The following SLIT3 variants were observed in gnomAD, a reference collection of about 807,000 sequenced individuals.
SLIT3 encodes slit guidance ligand 3.
Under a neutral mutation model 184.0 loss-of-function variants are expected in SLIT3, and 68 were observed. That is an observed-to-expected ratio of 0.37 (90% CI 0.30 to 0.45). The LOEUF (loss-of-function observed/expected upper bound fraction) is 0.45, where lower values mean the gene tolerates loss of function less well. SLIT3 is among the 20% of genes least tolerant of loss of function. The pLI is 1.00. For missense variants in SLIT3, 1,707 were observed against 2,026.0 expected (o/e 0.84, Z 3.02); for synonymous variants, 831 against 828.6 (o/e 1.00, Z -0.05).
At chr5:168,737,881 T>C (rs1344429105) in intron 20 of SLIT3, among the ~76,000 whole-genome samples, 2 of 152,188 alleles carry the variant, frequency 1.3e-5, no homozygotes, top group Non-Finnish European at 2.9e-5. Flanking sequence ...AAAAGGACAG[T>C]TGCATGGCAA....
At chr5:168,726,667 T>C (rs1763139670) in intron 20 of SLIT3, among the ~76,000 whole-genome samples, 1 of 151,846 alleles carries the variant, frequency 6.6e-6, no homozygotes, top group South Asian at 2.1e-4. Flanking sequence ...CCAAGGGGCT[T>C]ACTGCAGAAA....
intron 14 of SLIT3, among the ~76,000 whole-genome samples, chr5:168,764,110 C>T (rs1246121305): frequency 6.6e-6 from 1 of 152,144 alleles, no homozygotes; most frequent in African/African-American, 2.4e-5. Context: ...GGCTGTTGTG[C>T]AGATGAAAGT....
At chr5:168,913,212 G>T (rs1000215945) in intron 4 of SLIT3, among the ~76,000 whole-genome samples, 1 of 152,040 alleles carries the variant, frequency 6.6e-6, no homozygotes, top group African/African-American at 2.4e-5. Flanking sequence ...TTAGGGTCAG[G>T]GTTAGGGTTT....
At chr5:169,221,644 G>T (rs1048896404) in intron 3 of SLIT3, among the ~76,000 whole-genome samples, 4 of 152,154 alleles carry the variant, frequency 2.6e-5, no homozygotes, top group Admixed American at 2.0e-4. Context: ...CTCCTCTCAG[G>T]TGATGTGTGG....
chr5:169,023,393 A>T (rs1184638206), intron 4 of SLIT3, among the ~76,000 whole-genome samples: 3 of 152,110 alleles, frequency 2.0e-5, no homozygotes, highest in African/African-American at 7.2e-5. Flanking sequence ...AGAGGGGTGG[A>T]ATTTTCATTA....
At chr5:169,178,546 A>G (rs1484352181) in intron 4 of SLIT3, among the ~76,000 whole-genome samples, 2 of 152,192 alleles carry the variant, frequency 1.3e-5, no homozygotes, top group African/African-American at 4.8e-5. Context: ...AGGAGCCAGA[A>G]AAAGACTAAA....
chr5:168,967,574 G>A (rs920939431), intron 4 of SLIT3, among the ~76,000 whole-genome samples: 1 of 140,756 alleles, frequency 7.1e-6, no homozygotes, highest in Non-Finnish European at 1.6e-5. Context: ...CAAGTAGCTG[G>A]GACTACAGGC....
At chr5:168,918,151 A>G (rs1252056331) in intron 4 of SLIT3, among the ~76,000 whole-genome samples, 1 of 152,166 alleles carries the variant, frequency 6.6e-6, no homozygotes, top group East Asian at 1.9e-4. Context: ...AAGTTGATAT[A>G]ATAAACAGCA....
intron 8 of SLIT3, among the ~76,000 whole-genome samples, chr5:168,807,554 T>C (rs904226138): frequency 6.6e-6 from 1 of 152,182 alleles, no homozygotes; most frequent in Non-Finnish European, 1.5e-5. Context: ...GACCTCATCC[T>C]ACTGCTGCTG....
At chr5:169,150,541 A>ACC (rs1482297361) in intron 4 of SLIT3, among the ~76,000 whole-genome samples, 3 of 151,504 alleles carry the variant, frequency 2.0e-5, no homozygotes, top group South Asian at 2.1e-4. Flanking sequence ...ACACACACAC[A>ACC]CACCCTTACC....
intron 1 of SLIT3, among the ~76,000 whole-genome samples, chr5:169,275,776 A>G (rs1450908661): frequency 6.6e-6 from 1 of 152,184 alleles, no homozygotes; most frequent in Admixed American, 6.5e-5. Flanking sequence ...CTTCCACAAC[A>G]GGTGGGAATT....
In SLIT3 at chr5:168,789,610, T is replaced by C. The variant is rs767206091; in HGVS notation, c.1029A>G (p.Ile343Met). The change falls in exon 11 of 36, where the codon ATA becomes ATG. Residue 343 changes from isoleucine (I) to methionine (M), a missense_variant. By Grantham distance (10) the Ile-to-Met change is conservative. Transcript: ENST00000519560. ...GGAAGGCATCTGGAGCAATATCCGA[T>C]ATCTGATTCTTGCTGATGTCTCTGA... ...LKRIDISKNQ[I>M]SDIAPDAFQG... 5 of 1,613,798 alleles carry C rather than the reference T, an allele frequency of 3.1e-6. No individual in the cohort carries two copies. The East Asian group carries it at 8.9e-5, about 29-fold the overall frequency.
chr5:168,768,437 A>C (rs905193283), intron 14 of SLIT3, among the ~76,000 whole-genome samples: 4 of 152,000 alleles, frequency 2.6e-5, no homozygotes, highest in African/African-American at 2.4e-5. Flanking sequence ...AGGGAGACAC[A>C]GTAGGAAGGG....
Position 168,749,492 on chromosome 5 carries a change from A to G in SLIT3, c.2117T>C (p.Ile706Thr), listed in dbSNP as rs1445402394. ...CTTACCATCACAGGTGAAGTCCTGG[A>G]TGGCCACATCCTGGATGGGAATCTC... ...LKEIPIQDVA[I>T]QDFTCDGNEE... Residue 706 changes from isoleucine (I) to threonine (T), a missense_variant, in exon 19 of 36, where the codon ATC becomes ACC. Physicochemically the swap from Ile to Thr is moderately conservative, Grantham distance 89. This residue lies in a region of SLIT3 where 1,307 missense variants were observed against 1,511.6 expected (regional missense o/e 0.86). Transcript: ENST00000519560. 5 of 1,614,032 alleles carry G rather than the reference A, an allele frequency of 3.1e-6. No individual in the cohort carries two copies. The highest frequency in any genetic ancestry group is 4.2e-6 in the Non-Finnish European group (5 of 1,180,020).
At chr5:168,801,417 T>C (rs138225146) in intron 9 of SLIT3, among the ~76,000 whole-genome samples, 218 of 152,280 alleles carry the variant, frequency 1.4e-3, no homozygotes, top group African/African-American at 4.8e-3. Context: ...ACACTGTGGT[T>C]AAGGGGAGGC....
chr5:169,110,440 G>A (rs536263078), intron 4 of SLIT3, among the ~76,000 whole-genome samples: 38 of 152,062 alleles, frequency 2.5e-4, no homozygotes, highest in Non-Finnish European at 5.1e-4. Context: ...TGTGAGGGAG[G>A]GTCTGTTGCA....
chr5:169,091,953 G>A (rs1759602933), intron 4 of SLIT3, among the ~76,000 whole-genome samples: 1 of 152,194 alleles, frequency 6.6e-6, no homozygotes, highest in Non-Finnish European at 1.5e-5. Flanking sequence ...TGGGTGCGGT[G>A]GCTCGTGCCT....
rs1767639083 is a variant in SLIT3 at position 169,300,202 on chromosome 5, G to A, written c.197+311C>T. Among the ~76,000 whole-genome samples, 1 of 152,164 alleles carries A rather than the reference G, an allele frequency of 6.6e-6. No homozygotes were observed. Among genetic ancestry groups the A allele is most frequent in the Non-Finnish European group, 1.5e-5 (1 of 68,020 alleles). ...ACCCTCACCCTAAGACCTTGAGGCT[G>A]CAGTGCTCTTGCCTCCCCTCGCCTC... is the stretch of plus-strand genomic sequence containing the variant. On this transcript the variant is annotated intron_variant, in intron 1 of 35. Transcript: ENST00000519560. The surrounding 1 kb of genome is among the most constrained non-coding windows in gnomAD (Gnocchi z 4.1).
At chr5:168,962,733 A>G (rs1055010883) in intron 4 of SLIT3, among the ~76,000 whole-genome samples, 2 of 152,006 alleles carry the variant, frequency 1.3e-5, no homozygotes. Flanking sequence ...TCATGGATGA[A>G]GAAAGCTGGG....
Sources: gnomAD v4.1 joint callset for allele counts (sites outside exome capture counted in the v4.1 genomes callset) on GRCh38, gnomAD v4.1.1 for gene constraint, gnomAD v4.1.1 regional missense constraint, Gnocchi (gnomAD v3.1) non-coding constraint, MANE v1.5 for transcripts, NCBI Gene and HGNC (gene_info 2026-07-23, HGNC 2026-07-21) for gene names.